SLC22A3: variants seen among roughly 807,000 people sequenced by gnomAD.
SLC22A3 encodes EMT organic cation transporter 3.
A neutral mutation model predicts 59.1 loss-of-function variants in SLC22A3; 51 were observed. The ratio of observed to expected loss-of-function variants is 0.86; its 90% CI spans 0.69 to 1.09. The LOEUF is 1.09. Ranked by LOEUF, SLC22A3 falls within the 50% of genes least tolerant of loss-of-function variation. SLC22A3 has a pLI of 0.00. For synonymous variants in SLC22A3, 325 were observed against 292.0 expected, an observed-to-expected ratio of 1.11 and a Z score of -1.15; for missense variants, 711 against 726.3, an observed-to-expected ratio of 0.98 and a Z score of 0.24.
chr6:160,394,380 C>T (rs1191568245), intron 1 of SLC22A3, among the ~76,000 whole-genome samples: 1 of 152,222 alleles, frequency 6.6e-6, no homozygotes, highest in Non-Finnish European at 1.5e-5. Flanking sequence ...TCTCTTTAAA[C>T]ACGAAAGATA....
chr6:160,365,985 C>T (rs910480973), intron 1 of SLC22A3, among the ~76,000 whole-genome samples: 3 of 152,120 alleles, frequency 2.0e-5, no homozygotes, highest in African/African-American at 7.2e-5. Context: ...GGGGTAACCA[C>T]CCCTGTGACA....
intron 1 of SLC22A3, among the ~76,000 whole-genome samples, chr6:160,351,062 G>C (rs772231796): frequency 6.6e-6 from 1 of 152,142 alleles, no homozygotes; most frequent in Admixed American, 6.5e-5. Context: ...AATGTACCCC[G>C]TAAAGCCCCA....
At position 160,348,827 on chromosome 6, in the gene SLC22A3, C is replaced by G; in HGVS notation, c.408C>G (p.Ala136=). The G allele has an allele frequency of 6.3e-7, 1 of 1,583,378 alleles. No homozygotes were observed. The highest frequency in any genetic ancestry group is 8.5e-7 in the Non-Finnish European group (1 of 1,173,110). ...PCRGGWRYAQ[A]HSTIVSEFDL... is the part of the protein sequence containing the mutation. ...GCGGCGGCTGGCGCTACGCCCAGGC[C>G]CACTCCACCATCGTCAGCGAGGTAA... is the stretch of plus-strand genomic sequence containing the variant. The change falls in exon 1 of 11, where the codon GCC becomes GCG. Residue 136 remains alanine, a synonymous_variant. Transcript: ENST00000275300.
intron 5 of SLC22A3, among the ~76,000 whole-genome samples, chr6:160,428,671 G>A (rs1348327482): frequency 1.3e-5 from 2 of 152,164 alleles, no homozygotes. Context: ...AAATGTAAAT[G>A]TACTCGTGTG....
chr6:160,353,156 G>A lies in SLC22A3; in HGVS notation c.429+4308G>A, dbSNP rs76967121. On this transcript the variant is annotated intron_variant, in intron 1 of 10. Transcript: ENST00000275300. ...AAAGCAGGACTCTAATGAGTGAACA[G>A]CCACCCCACTAGGTGTCTGATTCTT... Among the ~76,000 whole-genome samples, 1,027 of 152,314 alleles carry A rather than the reference G, an allele frequency of 6.7e-3. 8 individuals are homozygous for A. Among genetic ancestry groups the A allele is most frequent in the African/African-American group, 0.023 (971 of 41,568 alleles).
rs1050903921 is a variant in SLC22A3 at position 160,443,485 on chromosome 6, A to C, written c.1398-145A>C. Reference sequence around the variant, plus strand: ...TGCAGAATGGAAATGTTTTGCTTAGAGTTCTGAGAGTAGTCGTTTTCAAAG... The same window carrying C: ...TGCAGAATGGAAATGTTTTGCTTAGCGTTCTGAGAGTAGTCGTTTTCAAAG... On this transcript the variant is annotated intron_variant, in intron 8 of 10. Coordinates refer to ENST00000275300, the MANE Select transcript of SLC22A3 (RefSeq NM_021977.4). 22 of 662,704 alleles carry C rather than the reference A, an allele frequency of 3.3e-5. 1 individual carries two copies. The highest frequency in any genetic ancestry group is 5.4e-5 in the Non-Finnish European group (20 of 367,612). 41.1% of individuals were successfully genotyped at this position (662,704 alleles called of 1,614,324 possible).
At chr6:160,412,599 T>A (rs1266126157) in intron 5 of SLC22A3, among the ~76,000 whole-genome samples, 1 of 152,226 alleles carries the variant, frequency 6.6e-6, no homozygotes, top group Non-Finnish European at 1.5e-5. Context: ...CATGATCTTT[T>A]TAAACCACTA....
chr6:160,424,093 G>A (rs1315432390), intron 5 of SLC22A3, among the ~76,000 whole-genome samples: 1 of 152,120 alleles, frequency 6.6e-6, no homozygotes. Flanking sequence ...AATCCTGGAT[G>A]TTCTTGTTAA....
rs1157030639 is a variant in SLC22A3, at chr6:160,451,573, G to A, written c.*517G>A. On this transcript the variant is annotated 3_prime_UTR_variant, in exon 11 of 11. Coordinates refer to ENST00000275300, the MANE Select transcript of SLC22A3 (RefSeq NM_021977.4). ...TGAGAAGGCTGAATCACAGGCACCTGGGCCAAAGGGTGTGAGCATTCATGT... is the reference window on the plus strand; with the variant it reads ...TGAGAAGGCTGAATCACAGGCACCTAGGCCAAAGGGTGTGAGCATTCATGT... 1.2e-5 allele frequency: 2 copies of A among 165,808 alleles called. No homozygotes were observed. The highest frequency in any genetic ancestry group is 1.6e-4 in the East Asian group (1 of 6,198). The allele number at this position is 165,808 out of a possible 1,614,324, so 10.3% of individuals were successfully genotyped here.
intron 5 of SLC22A3, among the ~76,000 whole-genome samples, chr6:160,419,105 C>G (rs2114878075): frequency 6.6e-6 from 1 of 152,180 alleles, no homozygotes; most frequent in South Asian, 2.1e-4. Flanking sequence ...ATAAATGATA[C>G]CATTGTTTGA....
At chr6:160,430,402 C>T (rs1480960600) in intron 5 of SLC22A3, among the ~76,000 whole-genome samples, 2 of 151,956 alleles carry the variant, frequency 1.3e-5, no homozygotes, top group Non-Finnish European at 2.9e-5. Flanking sequence ...CTCTGAACAC[C>T]ATATTTATAA....
intron 1 of SLC22A3, among the ~76,000 whole-genome samples, chr6:160,353,799 G>T (rs541349645): frequency 6.6e-6 from 1 of 152,136 alleles, no homozygotes; most frequent in South Asian, 2.1e-4. Context: ...GGACCACACA[G>T]AGAGACAAGC....
intron 1 of SLC22A3, among the ~76,000 whole-genome samples, chr6:160,395,906 C>T (rs2114828113): frequency 6.6e-6 from 1 of 152,242 alleles, no homozygotes; most frequent in South Asian, 2.1e-4. Context: ...AATTCATATT[C>T]CAACCACATT....
intron 9 of SLC22A3, among the ~76,000 whole-genome samples, chr6:160,445,038 C>T (rs1788688926): frequency 6.6e-6 from 1 of 152,238 alleles, no homozygotes; most frequent in Non-Finnish European, 1.5e-5. Flanking sequence ...ACATGACCTT[C>T]AGGACTGCAG....
At chr6:160,423,807 C>A (rs925672398) in intron 5 of SLC22A3, among the ~76,000 whole-genome samples, 2 of 152,182 alleles carry the variant, frequency 1.3e-5, no homozygotes, top group African/African-American at 4.8e-5. Flanking sequence ...TTTTGCTGTG[C>A]AGAAGCTCCT....
chr6:160,426,451 T>C (rs1787957234), intron 5 of SLC22A3: 2 of 694,770 alleles, frequency 2.9e-6, no homozygotes, highest in Non-Finnish European at 3.5e-6. Context: ...CTCCCTTTCC[T>C]CCTCTATTCC....
chr6:160,383,225 A>T (rs1785862345), intron 1 of SLC22A3, among the ~76,000 whole-genome samples: 1 of 152,246 alleles, frequency 6.6e-6, no homozygotes, highest in Admixed American at 6.5e-5. Flanking sequence ...GTTCTTGGTT[A>T]ACCTCAGTGT....
At chr6:160,383,389 T>A (rs1308183195) in intron 1 of SLC22A3, among the ~76,000 whole-genome samples, 5 of 152,150 alleles carry the variant, frequency 3.3e-5, no homozygotes, top group African/African-American at 1.2e-4. Flanking sequence ...CCCACTCCAC[T>A]GCACCCCAAA....
At chr6:160,411,637 G>A (rs1309797340) in intron 5 of SLC22A3, among the ~76,000 whole-genome samples, 2 of 152,154 alleles carry the variant, frequency 1.3e-5, no homozygotes, top group African/African-American at 4.8e-5. Context: ...AGCTACTCAG[G>A]AGGCTGAAGC....
Sources: gnomAD v4.1 joint callset for allele counts (sites outside exome capture counted in the v4.1 genomes callset) on GRCh38, gnomAD v4.1.1 for gene constraint, MANE v1.5 for transcripts, NCBI Gene and HGNC (gene_info 2026-07-23, HGNC 2026-07-21) for gene names.